Variants in TIMP3 observed in about 807,000 individuals in gnomAD.
TIMP3 encodes the protein TIMP metallopeptidase inhibitor 3, also known as metalloproteinase inhibitor 3.
In TIMP3, 11 loss-of-function variants were observed where a neutral mutation model predicts 30.0. The observed-to-expected ratio is 0.37, with a 90% CI of 0.23 to 0.61. The LOEUF is 0.61. TIMP3 is among the 20% of genes least tolerant of loss of function. The pLI, the probability that TIMP3 is intolerant of heterozygous loss-of-function variation, is 0.70. For synonymous variants in TIMP3, 112 were observed against 111.3 expected (o/e 1.01, Z -0.04); for missense variants, 181 against 276.8 (o/e 0.65, Z 2.45).
chr22:32,809,038 C>A, intron 1 of TIMP3, among the ~76,000 whole-genome samples: 1 of 152,216 alleles, frequency 6.6e-6, no homozygotes, highest in East Asian at 1.9e-4. Context: ...TAAATGCCAA[C>A]CCTGCAGGAG....
chr22:32,859,418 T>C lies in TIMP3; in HGVS notation c.*41T>C, dbSNP rs775703543. 4.4e-6 allele frequency: 7 copies of C among 1,585,448 alleles called. No homozygotes were observed. In the South Asian group the frequency reaches 6.7e-5, roughly 15 times the overall value. On this transcript the variant is annotated 3_prime_UTR_variant, in exon 5 of 5. Transcript: ENST00000266085. ...CCACCTCACTTCCCTCCCTTCCCGC[T>C]GAGCTTCCCTTGGACACTAACTCTT...
intron 2 of TIMP3, among the ~76,000 whole-genome samples, chr22:32,852,869 C>T (rs919061151): frequency 2.0e-5 from 3 of 152,180 alleles, no homozygotes; most frequent in African/African-American, 7.2e-5. Flanking sequence ...CTGTGGGGAC[C>T]TTATCTCCCA....
rs114184473 is a variant in TIMP3, at chr22:32,832,267, C to G, written c.122-17185C>G. ...AACAGGAAGCACGTGACAACTTGGACCACTACAACGAAGAGAAAGTGGAAC... is the reference window on the plus strand; with the variant it reads ...AACAGGAAGCACGTGACAACTTGGAGCACTACAACGAAGAGAAAGTGGAAC... On this transcript the variant is annotated intron_variant, in intron 1 of 4. Transcript: ENST00000266085. Among the ~76,000 whole-genome samples the G allele has an allele frequency of 3.6e-3, 547 of 152,098 alleles. 2 individuals are homozygous for G. The highest frequency in any genetic ancestry group is 0.012 in the African/African-American group (513 of 41,514).
intron 1 of TIMP3, among the ~76,000 whole-genome samples, chr22:32,842,664 T>C (rs1256754515): frequency 6.6e-6 from 1 of 152,246 alleles, no homozygotes; most frequent in African/African-American, 2.4e-5. Flanking sequence ...TTAATCAATC[T>C]AATTAACTTC....
intron 1 of TIMP3, among the ~76,000 whole-genome samples, chr22:32,842,398 A>G (rs377354590): frequency 3.9e-5 from 6 of 152,256 alleles, no homozygotes; most frequent in Middle Eastern, 6.8e-3. Context: ...TCACCTAGAC[A>G]TCATCAAAGC....
At chr22:32,844,245 G>T (rs1345103026) in intron 1 of TIMP3, among the ~76,000 whole-genome samples, 1 of 152,118 alleles carries the variant, frequency 6.6e-6, no homozygotes, top group Non-Finnish European at 1.5e-5. Flanking sequence ...GCAGCTCAAG[G>T]GTATCTTGCC....
chr22:32,820,937 G>A (rs2047229136), intron 1 of TIMP3, among the ~76,000 whole-genome samples: 1 of 152,170 alleles, frequency 6.6e-6, no homozygotes, highest in African/African-American at 2.4e-5. Context: ...AAAGGGTAGG[G>A]AGAGACATGT....
intron 3 of TIMP3, among the ~76,000 whole-genome samples, chr22:32,857,769 C>T (rs2048413178): frequency 6.6e-6 from 1 of 152,220 alleles, no homozygotes; most frequent in African/African-American, 2.4e-5. Flanking sequence ...CTAGTCCTAG[C>T]TCCAGTATTT....
chr22:32,826,094 T>C (rs2047403464), intron 1 of TIMP3, among the ~76,000 whole-genome samples: 1 of 152,216 alleles, frequency 6.6e-6, no homozygotes, highest in South Asian at 2.1e-4. Context: ...CTTCTTTTTT[T>C]CCCAACCTTT....
chr22:32,838,663 A>C (rs1224810874), intron 1 of TIMP3, among the ~76,000 whole-genome samples: 2 of 152,014 alleles, frequency 1.3e-5, no homozygotes, highest in Non-Finnish European at 2.9e-5. Context: ...GCCTCTCCAG[A>C]TCACATTTTT....
chr22:32,816,594 T>C (rs1458818138), intron 1 of TIMP3, among the ~76,000 whole-genome samples: 2 of 152,152 alleles, frequency 1.3e-5, no homozygotes, highest in Admixed American at 6.5e-5. Flanking sequence ...TTTTTCCTTA[T>C]TTCTGTCTTG....
intron 1 of TIMP3, among the ~76,000 whole-genome samples, chr22:32,817,050 T>A (rs2047104589): frequency 1.5e-5 from 2 of 132,928 alleles, no homozygotes; most frequent in African/African-American, 5.9e-5. Context: ...AGATTCCCTG[T>A]CTCTACTAAT....
intron 2 of TIMP3, among the ~76,000 whole-genome samples, chr22:32,854,793 T>C (rs2048319108): frequency 6.6e-6 from 1 of 152,082 alleles, no homozygotes; most frequent in African/African-American, 2.4e-5. Context: ...TTGGCAAGCC[T>C]TGGGGGAGAA....
intron 1 of TIMP3, among the ~76,000 whole-genome samples, chr22:32,832,932 C>G (rs574733806): frequency 6.6e-6 from 1 of 152,154 alleles, no homozygotes; most frequent in East Asian, 1.9e-4. Context: ...AGGGTTTTAC[C>G]TTGTTGCCCA....
intron 1 of TIMP3, among the ~76,000 whole-genome samples, chr22:32,830,966 C>T (rs2047556742): frequency 6.6e-6 from 1 of 152,040 alleles, no homozygotes; most frequent in African/African-American, 2.4e-5. Context: ...TTTTTTTCCC[C>T]AACCAGGGGC....
intron 1 of TIMP3, among the ~76,000 whole-genome samples, chr22:32,807,848 T>A (rs1246140741): frequency 1.3e-5 from 2 of 152,136 alleles, no homozygotes; most frequent in African/African-American, 4.8e-5. Context: ...GTGGCTGTGT[T>A]AACACAGTTC....
chr22:32,859,481 G>C lies in TIMP3; in HGVS notation c.*104G>C. On this transcript the variant is annotated 3_prime_UTR_variant, in exon 5 of 5. Coordinates refer to ENST00000266085, the MANE Select transcript of TIMP3 (RefSeq NM_000362.5). ...CAATGAAATTAGTGCCTGTTTTCTT[G>C]CAAATTTAGCACTTGGAACATTTAA... The C allele has an allele frequency of 7.3e-7, 1 of 1,368,168 alleles. No homozygotes were observed. The highest frequency in any genetic ancestry group is 9.9e-7 in the Non-Finnish European group (1 of 1,008,438). 84.8% of individuals were successfully genotyped at this position (1,368,168 alleles called of 1,614,324 possible).
rs1013642711 is a variant in TIMP3 at position 32,830,528 on chromosome 22, G to T, written c.122-18924G>T. Among the ~76,000 whole-genome samples, 6 of 152,300 alleles carry T rather than the reference G, an allele frequency of 3.9e-5. No individual in the cohort carries two copies. In the East Asian group the frequency reaches 1.2e-3, roughly 29 times the overall value. ...AGAGCTTCAGCCAAATCCTGGAACG[G>T]AAGCTCTTGGGAAGCTGCCTGTGAC... is the stretch of plus-strand genomic sequence containing the variant. On this transcript the variant is annotated intron_variant, in intron 1 of 4. Transcript: ENST00000266085.
Position 32,859,200 on chromosome 22 carries a change from G to A in TIMP3, c.459G>A (p.Leu153=), listed in dbSNP as rs757458960. Residue 153 remains leucine, a synonymous_variant, in exon 5 of 5, where the codon CTG becomes CTA. Coordinates refer to ENST00000266085, the MANE Select transcript of TIMP3 (RefSeq NM_000362.5). ...TGCAGATCAAGTCCTGCTACTACCT[G>A]CCTTGCTTTGTGACTTCCAAGAACG... The part of the protein sequence containing the change: ...CNCKIKSCYY[L]PCFVTSKNEC... 5.0e-6 allele frequency: 8 copies of A among 1,614,170 alleles called. No homozygotes were observed. The African/African-American group carries it at 1.1e-4, about 22-fold the overall frequency.
Sources: allele counts gnomAD v4.1 joint callset (sites outside exome capture counted in the v4.1 genomes callset), GRCh38; gene constraint gnomAD v4.1.1; transcripts MANE v1.5; gene names NCBI Gene and HGNC (gene_info 2026-07-23, HGNC 2026-07-21).